The following PPFIA2 variants were observed in gnomAD, a reference collection of about 807,000 sequenced individuals.
The protein encoded by PPFIA2 is PPFI scaffold protein A2.
Under a neutral mutation model 175.5 loss-of-function variants are expected in PPFIA2, and 46 were observed. That is an observed-to-expected ratio of 0.26 (90% CI 0.21 to 0.34). The LOEUF (loss-of-function observed/expected upper bound fraction) is 0.34. Among genes scored for constraint, PPFIA2 ranks in the 10% least tolerant of loss-of-function variants. The probability of loss-of-function intolerance (pLI) is 1.00; values close to 1 mark genes in which losing one functional copy is unlikely to be tolerated. For missense variants in PPFIA2, 1,179 were observed against 1,506.1 expected, an observed-to-expected ratio of 0.78 and a Z score of 3.60; for synonymous variants, 568 against 511.4, an observed-to-expected ratio of 1.11 and a Z score of -1.49.
chr12:81,620,278 T>C (rs570114612), intron 4 of PPFIA2, among the ~76,000 whole-genome samples: 1 of 151,828 alleles, frequency 6.6e-6, no homozygotes, highest in South Asian at 2.1e-4. Flanking sequence ...TAAAAACAGA[T>C]GTATCAAAAG....
chr12:81,450,757 T>G (rs1416350762), intron 5 of PPFIA2, among the ~76,000 whole-genome samples: 1 of 152,162 alleles, frequency 6.6e-6, no homozygotes, highest in African/African-American at 2.4e-5. Flanking sequence ...CTTCTAGGGT[T>G]TTTATGGTTT....
intron 4 of PPFIA2, among the ~76,000 whole-genome samples, chr12:81,483,614 C>G (rs1168723661): frequency 1.3e-5 from 2 of 151,576 alleles, no homozygotes; most frequent in Non-Finnish European, 1.5e-5. Context: ...GAAGGTTGCT[C>G]AACTCTGTGA....
chr12:81,295,307 A>G (rs1201626669), intron 23 of PPFIA2, among the ~76,000 whole-genome samples: 1 of 152,222 alleles, frequency 6.6e-6, no homozygotes. Context: ...TACTAGTGGT[A>G]AAAGTAATGG....
intron 7 of PPFIA2, among the ~76,000 whole-genome samples, chr12:81,423,089 TC>T (rs1185529084): frequency 5.3e-5 from 8 of 151,612 alleles, no homozygotes; most frequent in Non-Finnish European, 1.2e-4. Context: ...AAATAGATAA[TC>T]CGAACAGAAA....
At chr12:81,344,829 A>G in intron 18 of PPFIA2, 136 bp from the exon 19 acceptor site, 1 of 643,500 alleles carries the variant, frequency 1.6e-6, no homozygotes, top group Non-Finnish European at 2.6e-6. Context: ...CTAAATAAAC[A>G]TATTTTAATT....
intron 4 of PPFIA2, among the ~76,000 whole-genome samples, chr12:81,610,134 T>C (rs117987887): frequency 5.2e-4 from 79 of 152,274 alleles, no homozygotes; most frequent in Non-Finnish European, 1.0e-3. Context: ...TAAGAGGTCT[T>C]TTGCTAGTCT....
intron 3 of PPFIA2, among the ~76,000 whole-genome samples, chr12:81,678,538 A>G (rs1031024720): frequency 1.9e-4 from 29 of 151,910 alleles, no homozygotes; most frequent in African/African-American, 7.0e-4. Context: ...GACAAGGAGT[A>G]CTTACCAAGA....
intron 4 of PPFIA2, 112 bp from the exon 5 acceptor site, chr12:81,457,978 G>A: frequency 1.5e-6 from 1 of 654,648 alleles, no homozygotes; most frequent in Middle Eastern, 4.2e-4. Flanking sequence ...CCCACTGACT[G>A]GTCAACATAT....
intron 4 of PPFIA2, among the ~76,000 whole-genome samples, chr12:81,580,830 AT>A (rs1322996197): frequency 1.3e-5 from 2 of 151,822 alleles, no homozygotes; most frequent in African/African-American, 2.4e-5. Flanking sequence ...ATATTTAGAC[AT>A]TTATTGAACA....
At chr12:81,652,505 A>C (rs776041924) in intron 4 of PPFIA2, among the ~76,000 whole-genome samples, 142 of 152,150 alleles carry the variant, frequency 9.3e-4, no homozygotes, top group East Asian at 7.7e-4. Flanking sequence ...GAATGCAGTC[A>C]TTTGACTAAT....
chr12:81,347,716 A>G lies in PPFIA2; in HGVS notation c.2049T>C (p.Asn683=), dbSNP rs774700607. 58 of 1,613,550 alleles carry G rather than the reference A, an allele frequency of 3.6e-5. 1 individual carries two copies. The highest frequency in any genetic ancestry group is 1.6e-4 in the Middle Eastern group (1 of 6,078). The stretch of plus-strand genomic sequence containing the variant: ...CTTCGAGGCTCACACTAGCCACTCT[A>G]TTTTCAATTTCTTCAGCACGCAACT... ...STELRAEEIE[N]RVASVSLEGL... is the part of the protein sequence containing the mutation. Residue 683 remains asparagine (N), a synonymous_variant, in exon 18 of 33, where the codon AAT becomes AAC. Transcript: ENST00000549396.
At chr12:81,600,471 T>G (rs192500290) in intron 4 of PPFIA2, among the ~76,000 whole-genome samples, 33 of 152,042 alleles carry the variant, frequency 2.2e-4, no homozygotes, top group Admixed American at 1.7e-3. Context: ...CTGAAACTAT[T>G]TATTTCCTTA....
intron 11 of PPFIA2, among the ~76,000 whole-genome samples, chr12:81,370,175 A>G (rs1333869582): frequency 6.6e-6 from 1 of 151,836 alleles, no homozygotes; most frequent in East Asian, 1.9e-4. Flanking sequence ...AGGTGTAATT[A>G]ATTTGGAACA....
chr12:81,571,481 C>A (rs2072532906), intron 4 of PPFIA2, among the ~76,000 whole-genome samples: 1 of 152,048 alleles, frequency 6.6e-6, no homozygotes, highest in African/African-American at 2.4e-5. Context: ...GACTGGGAAG[C>A]AGACTCCTTG....
chr12:81,324,206 A>C (rs1265136417), intron 22 of PPFIA2, among the ~76,000 whole-genome samples: 1 of 152,018 alleles, frequency 6.6e-6, no homozygotes, highest in Admixed American at 6.6e-5. Context: ...CGAGTCTATA[A>C]AATTATTATC....
intron 27 of PPFIA2, among the ~76,000 whole-genome samples, chr12:81,280,598 A>G (rs1465096587): frequency 6.6e-6 from 1 of 152,202 alleles, no homozygotes; most frequent in East Asian, 1.9e-4. Flanking sequence ...TCCAGCTGAC[A>G]TTGCTTCACC....
intron 5 of PPFIA2, among the ~76,000 whole-genome samples, chr12:81,451,840 AT>A (rs1334133216): frequency 8.5e-5 from 13 of 152,218 alleles, no homozygotes; most frequent in Non-Finnish European, 1.5e-5. Context: ...AAGGTTAAAA[AT>A]AAAAGTAAAT....
intron 22 of PPFIA2, among the ~76,000 whole-genome samples, chr12:81,325,325 T>C (rs556572923): frequency 4.5e-4 from 68 of 152,196 alleles, no homozygotes; most frequent in African/African-American, 1.6e-3. Context: ...TCCTGACAGA[T>C]GCAAAACAAT....
chr12:81,429,046 G>A (rs1245554318), intron 7 of PPFIA2, among the ~76,000 whole-genome samples: 1 of 151,954 alleles, frequency 6.6e-6, no homozygotes, highest in Non-Finnish European at 1.5e-5. Context: ...CTTTCTGTTC[G>A]AATGTTAACT....
Sources: allele counts gnomAD v4.1 joint callset (sites outside exome capture counted in the v4.1 genomes callset), GRCh38; gene constraint gnomAD v4.1.1; transcripts MANE v1.5; gene names NCBI Gene and HGNC (gene_info 2026-07-23, HGNC 2026-07-21).